Variants in CPNE4 observed in about 807,000 individuals in gnomAD.
CPNE4 encodes the protein copine-4.
CPNE4 carries 25 observed loss-of-function variants against 67.9 expected under a neutral mutation model. The ratio of observed to expected loss-of-function variants is 0.37; its 90% CI spans 0.27 to 0.51. The LOEUF is 0.51. Ranked by LOEUF, CPNE4 falls within the 20% of genes least tolerant of loss-of-function variation. CPNE4 has a pLI of 0.93. For synonymous variants in CPNE4, 242 were observed against 244.9 expected (o/e 0.99, Z 0.11); for missense variants, 464 against 690.8 (o/e 0.67, Z 3.68).
At chr3:131,942,509 A>AGG (rs2071430907) in intron 1 of CPNE4, among the ~76,000 whole-genome samples, 1 of 105,160 alleles carries the variant, frequency 9.5e-6, no homozygotes, top group Non-Finnish European at 1.9e-5. Flanking sequence ...AGAGAGAGAG[A>AGG]GAGAGATCAT....
At chr3:131,998,509 A>G (rs1265169925) in intron 1 of CPNE4, among the ~76,000 whole-genome samples, 1 of 152,136 alleles carries the variant, frequency 6.6e-6, no homozygotes, top group Non-Finnish European at 1.5e-5. Flanking sequence ...GATGCTGCGA[A>G]TCCCCAGCTG....
At chr3:131,784,327 G>T (rs1441291391) in intron 2 of CPNE4, among the ~76,000 whole-genome samples, 2 of 151,868 alleles carry the variant, frequency 1.3e-5, no homozygotes, top group Non-Finnish European at 2.9e-5. Flanking sequence ...CCTTCTCTTT[G>T]GTTCCTGCAC....
intron 2 of CPNE4, among the ~76,000 whole-genome samples, chr3:131,763,148 A>G (rs2107817542): frequency 6.6e-6 from 1 of 152,252 alleles, no homozygotes; most frequent in South Asian, 2.1e-4. Context: ...ATGATAAAGC[A>G]GCAAGCATTT....
At chr3:131,548,244 T>C (rs11929294) in intron 14 of CPNE4, among the ~76,000 whole-genome samples, 23,661 of 151,802 alleles carry the variant, frequency 0.16, 1,959 homozygotes, top group African/African-American at 0.21. Flanking sequence ...TACTTTTCAT[T>C]ATATATATAT....
At chr3:131,774,587 A>AC (rs1229433560) in intron 2 of CPNE4, among the ~76,000 whole-genome samples, 10 of 152,120 alleles carry the variant, frequency 6.6e-5, no homozygotes, top group Admixed American at 6.6e-4. Flanking sequence ...CAGAGAGGAA[A>AC]TTTAAACCCA....
chr3:131,648,530 A>C (rs2079725277), intron 7 of CPNE4, among the ~76,000 whole-genome samples: 1 of 152,240 alleles, frequency 6.6e-6, no homozygotes, highest in Non-Finnish European at 1.5e-5. Flanking sequence ...TTGAAAGAAG[A>C]TTTATATATG....
intron 8 of CPNE4, among the ~76,000 whole-genome samples, chr3:131,586,724 C>T (rs1938202429): frequency 1.7e-5 from 2 of 115,458 alleles, no homozygotes; most frequent in Non-Finnish European, 3.2e-5. Context: ...CTTTCTATCT[C>T]TATCTGTCTG....
chr3:131,563,633 A>G (rs755527621), intron 11 of CPNE4, among the ~76,000 whole-genome samples: 1 of 152,028 alleles, frequency 6.6e-6, no homozygotes, highest in Non-Finnish European at 1.5e-5. Flanking sequence ...GAAGTTACCA[A>G]TAGCTTTTGA....
intron 2 of CPNE4, among the ~76,000 whole-genome samples, chr3:131,833,686 G>A (rs948781416): frequency 1.1e-4 from 17 of 152,134 alleles, no homozygotes; most frequent in African/African-American, 3.4e-4. Flanking sequence ...GTGATGGAGC[G>A]AAACCTTGTC....
At chr3:131,950,889 T>C (rs1431167626) in intron 1 of CPNE4, among the ~76,000 whole-genome samples, 1 of 152,178 alleles carries the variant, frequency 6.6e-6, no homozygotes, top group Non-Finnish European at 1.5e-5. Flanking sequence ...AACTTGTGGT[T>C]ATTTGTTTAC....
At chr3:131,942,027 C>T (rs191601640) in intron 1 of CPNE4, among the ~76,000 whole-genome samples, 8 of 151,772 alleles carry the variant, frequency 5.3e-5, no homozygotes, top group South Asian at 4.2e-4. Flanking sequence ...GTTGTTATTG[C>T]AATGAATAAA....
At chr3:132,036,049 C>T (rs1411445631), upstream of CPNE4, among the ~76,000 whole-genome samples, 1 of 152,152 alleles carries the variant, frequency 6.6e-6, no homozygotes, top group African/African-American at 2.4e-5. Flanking sequence ...GGAAGACCCC[C>T]TCTTAATTGT....
intron 1 of CPNE4, among the ~76,000 whole-genome samples, chr3:131,962,623 G>A (rs754543625): frequency 1.1e-4 from 17 of 152,052 alleles, no homozygotes; most frequent in African/African-American, 2.4e-4. Flanking sequence ...GGCAAGTACT[G>A]TTATAAGAAC....
chr3:131,699,842 T>C, intron 4 of CPNE4, 67 bp downstream of exon 4: 1 of 1,325,272 alleles, frequency 7.5e-7, no homozygotes, highest in Non-Finnish European at 1.1e-6. Context: ...AAGTGTCTGG[T>C]TTGGGCTGGC....
At chr3:131,565,756 G>A (rs1185951438) in intron 10 of CPNE4, among the ~76,000 whole-genome samples, 1 of 145,112 alleles carries the variant, frequency 6.9e-6, no homozygotes. Context: ...TCTGTTTTCA[G>A]AATACCCAGA....
chr3:131,987,204 A>C (rs1224391992), intron 1 of CPNE4, among the ~76,000 whole-genome samples: 1 of 152,224 alleles, frequency 6.6e-6, no homozygotes, highest in African/African-American at 2.4e-5. Context: ...AAAGCTAATA[A>C]GCTAATTAAC....
At chr3:131,978,044 CATAGATATAT>C (rs2072716540) in intron 1 of CPNE4, among the ~76,000 whole-genome samples, 1 of 86,110 alleles carries the variant, frequency 1.2e-5, no homozygotes, top group Non-Finnish European at 2.1e-5. Context: ...AGTATTCCAT[CATAGATATAT>C]ATAAATATAT....
At chr3:131,690,443 G>A (rs2081009233) in intron 5 of CPNE4, among the ~76,000 whole-genome samples, 1 of 152,124 alleles carries the variant, frequency 6.6e-6, no homozygotes. Context: ...ATGAAGAAAT[G>A]TCTCCCTATT....
intron 1 of CPNE4, among the ~76,000 whole-genome samples, chr3:132,016,467 TC>T (rs1403964940): frequency 1.3e-5 from 2 of 152,146 alleles, no homozygotes; most frequent in African/African-American, 4.8e-5. Context: ...ACTAGATGGC[TC>T]CCCTGAGCCC....
Sources: allele counts gnomAD v4.1 joint callset (sites outside exome capture counted in the v4.1 genomes callset), GRCh38; gene constraint gnomAD v4.1.1; transcripts MANE v1.5; gene names NCBI Gene and HGNC (gene_info 2026-07-23, HGNC 2026-07-21).